Variants in ABCC12 observed in about 807,000 individuals in gnomAD.
The protein encoded by ABCC12 is ATP binding cassette subfamily C member 12.
ABCC12 carries 142 observed loss-of-function variants against 151.1 expected under a neutral mutation model. That is an observed-to-expected ratio of 0.94 (90% CI 0.82 to 1.08). The LOEUF (loss-of-function observed/expected upper bound fraction) is 1.08. ABCC12 is among the 50% of genes least tolerant of loss of function. ABCC12 has a pLI of 0.00. For missense variants in ABCC12, 1,638 were observed against 1,691.1 expected, an observed-to-expected ratio of 0.97 and a Z score of 0.55; for synonymous variants, 645 against 646.4, an observed-to-expected ratio of 1.00 and a Z score of 0.03.
At chr16:48,112,009 C>T (rs1475485868) in intron 15 of ABCC12, 99 bp from the exon 16 acceptor site, 3 of 1,440,160 alleles carry the variant, frequency 2.1e-6, no homozygotes, top group East Asian at 4.8e-5. Context: ...CTTTAGGGGC[C>T]AGATCATTCT....
chr16:48,088,511 A>G (rs1297584893), intron 26 of ABCC12, 34 bp downstream of exon 26: 5 of 1,598,672 alleles, frequency 3.1e-6, no homozygotes, highest in Non-Finnish European at 4.3e-6. Flanking sequence ...AAAGAAAACA[A>G]CCCAAAAGAA....
intron 2 of ABCC12, among the ~76,000 whole-genome samples, chr16:48,148,237 CA>C (rs113758072): frequency 0.14 from 17,215 of 122,930 alleles, 1,324 homozygotes; most frequent in African/African-American, 0.25. Context: ...CGTGAGTCAC[CA>C]AAAAAAAAAA....
In ABCC12 at chr16:48,095,301, C is replaced by T. The variant is rs145348448; in HGVS notation, c.3195+1445G>A. Among the ~76,000 whole-genome samples the T allele has an allele frequency of 5.8e-4, 89 of 152,238 alleles. No individual in the cohort carries two copies. In the East Asian group the frequency reaches 9.9e-3, roughly 17 times the overall value. On this transcript the variant is annotated intron_variant, in intron 24 of 30. Transcript: ENST00000311303. ...CTCTCTTGTCTGCCACCAAGTAAGA[C>T]GTGCCTTTCACCTTCCACCATGATT...
intron 4 of ABCC12, among the ~76,000 whole-genome samples, chr16:48,143,312 A>G (rs1161064213): frequency 1.3e-5 from 2 of 152,166 alleles, no homozygotes; most frequent in Non-Finnish European, 2.9e-5. Flanking sequence ...TAGCTCTTCA[A>G]TGAGTCCTCT....
In ABCC12 at chr16:48,125,500, G is replaced by A. The variant is rs539256078; in HGVS notation, c.1516-1216C>T. Among the ~76,000 whole-genome samples, 5 of 152,332 alleles carry A rather than the reference G, an allele frequency of 3.3e-5. No individual in the cohort carries two copies. In the South Asian group the frequency reaches 8.3e-4, roughly 25 times the overall value. On this transcript the variant is annotated intron_variant, in intron 11 of 30. Transcript: ENST00000311303. Reference sequence around the variant, plus strand: ...TGGGCAGGGACAACATCTGCCACAGGTGACATTTGGGTAAGACGTGAAGGA... The same window carrying A: ...TGGGCAGGGACAACATCTGCCACAGATGACATTTGGGTAAGACGTGAAGGA...
chr16:48,119,953 G>A (rs888822808), intron 13 of ABCC12, among the ~76,000 whole-genome samples: 2 of 152,120 alleles, frequency 1.3e-5, no homozygotes, highest in Middle Eastern at 3.2e-3. Flanking sequence ...GTAAAATGGG[G>A]ATATAATGCC....
rs780880803 is a variant in ABCC12 at position 48,140,818 on chromosome 16, T to C, written c.526A>G (p.Lys176Glu). ...CAGGCAAGGGCCCAAAAGAAGACTT[T>C]GGTAAACTCGGTGGCAAAAAGGGCT... Reference protein sequence around the residue: ...CIALFATEFTKVFFWALAWAI... With the variant: ...CIALFATEFTEVFFWALAWAI... Residue 176 changes from lysine to glutamate, a missense_variant, in exon 6 of 31, where the codon AAA becomes GAA. Lys to Glu is a moderately conservative substitution (Grantham distance 56, BLOSUM62 1). Transcript: ENST00000311303. 27 of 1,614,040 alleles carry C rather than the reference T, an allele frequency of 1.7e-5. No homozygotes were observed. The East Asian group carries it at 5.1e-4, about 31-fold the overall frequency.
At chr16:48,109,867 G>A (rs1486451115) in intron 18 of ABCC12, among the ~76,000 whole-genome samples, 1 of 152,242 alleles carries the variant, frequency 6.6e-6, no homozygotes, top group Non-Finnish European at 1.5e-5. Flanking sequence ...GTGATGCCAG[G>A]CAGGTGGGCA....
intron 27 of ABCC12, 84 bp downstream of exon 27, chr16:48,087,841 CA>C: frequency 7.0e-7 from 1 of 1,431,028 alleles, no homozygotes; most frequent in Non-Finnish European, 9.6e-7. Context: ...CCAGGCCAGC[CA>C]TGCCCTGGGG....
At chr16:48,100,601 T>G (rs890134094) in intron 23 of ABCC12, among the ~76,000 whole-genome samples, 1 of 152,190 alleles carries the variant, frequency 6.6e-6, no homozygotes, top group African/African-American at 2.4e-5. Context: ...TTCCCTATCT[T>G]CCTGAATCAA....
chr16:48,106,400 A>T (rs1318549376), intron 20 of ABCC12, among the ~76,000 whole-genome samples: 1 of 152,172 alleles, frequency 6.6e-6, no homozygotes, highest in African/African-American at 2.4e-5. Flanking sequence ...GGGCAAACAC[A>T]TGGTTCAGCC....
rs184361907 is a variant in ABCC12 at position 48,086,525 on chromosome 16, T to A, written c.3714+216A>T. On this transcript the variant is annotated intron_variant, in intron 28 of 30. Transcript: ENST00000311303. ...TTGTAGTAAGGACCAAGTGAGATGA[T>A]ACATGTAGTGCTCTTGACTGGATCA... 5.2e-4 allele frequency: 278 copies of A among 529,878 alleles called. 1 individual carries two copies. Among genetic ancestry groups the A allele is most frequent in the African/African-American group, 4.8e-3 (253 of 52,598 alleles). The allele number at this position is 529,878 out of a possible 1,614,324, so 32.8% of individuals were successfully genotyped here. A position where few individuals can be genotyped will look rare whatever the true frequency, so the allele number is the denominator to read the frequency against.
At chr16:48,120,450 C>T (rs1315443754) in intron 13 of ABCC12, among the ~76,000 whole-genome samples, 1 of 152,128 alleles carries the variant, frequency 6.6e-6, no homozygotes, top group Non-Finnish European at 1.5e-5. Flanking sequence ...AACTGTACCC[C>T]CTGAATCTAA....
intron 20 of ABCC12, among the ~76,000 whole-genome samples, chr16:48,105,879 G>A (rs995998630): frequency 1.3e-5 from 2 of 152,186 alleles, no homozygotes; most frequent in Non-Finnish European, 2.9e-5. Flanking sequence ...GGGTAACAGA[G>A]AGGGTGCTGG....
At chr16:48,110,587 A>G (rs180802158) in intron 18 of ABCC12, among the ~76,000 whole-genome samples, 1 of 152,202 alleles carries the variant, frequency 6.6e-6, no homozygotes, top group East Asian at 1.9e-4. Flanking sequence ...TGGCCTGACC[A>G]GGTAGCCCCC....
intron 8 of ABCC12, among the ~76,000 whole-genome samples, chr16:48,137,976 C>T (rs569633501): frequency 5.3e-5 from 8 of 152,226 alleles, no homozygotes; most frequent in South Asian, 4.1e-4. Context: ...AAAAGTAACT[C>T]GCCAGGACCA....
intron 2 of ABCC12, chr16:48,146,702 G>A: frequency 3.2e-6 from 1 of 316,150 alleles, no homozygotes; most frequent in Non-Finnish European, 5.8e-6. Context: ...CTTTTCTCAT[G>A]TTGGGTTGGC....
chr16:48,124,285 C>G lies in ABCC12; in HGVS notation c.1516-1G>C, dbSNP rs1291712613. 6 of 1,614,104 alleles carry G rather than the reference C, an allele frequency of 3.7e-6. No homozygotes were observed. The highest frequency in any genetic ancestry group is 1.3e-5 in the African/African-American group (1 of 75,052). ...TCCCACATATTCCCAAGATCTTCCC[C>G]TGCCAGAGAAACAGAGATGGGACAC... On this transcript the variant is annotated splice_acceptor_variant, in intron 11 of 30. Transcript: ENST00000311303. LOFTEE classifies it high-confidence loss of function.
intron 13 of ABCC12, among the ~76,000 whole-genome samples, chr16:48,119,681 A>C (rs184969872): frequency 1.8e-4 from 28 of 152,334 alleles, no homozygotes; most frequent in Admixed American, 5.2e-4. Context: ...GCAGGGACAG[A>C]GTTGGTGGGT....
Sources: allele counts gnomAD v4.1 joint callset (sites outside exome capture counted in the v4.1 genomes callset), GRCh38; gene constraint gnomAD v4.1.1; transcripts MANE v1.5; gene names NCBI Gene and HGNC (gene_info 2026-07-23, HGNC 2026-07-21).